The following NHSL2 variants were observed in gnomAD, a reference collection of about 807,000 sequenced individuals.
NHSL2 encodes NHS like 2, also known as NHS-like protein 2.
A neutral mutation model predicts 53.4 loss-of-function variants in NHSL2; 27 were observed. The observed-to-expected ratio is 0.51, with a 90% CI of 0.37 to 0.70. NHSL2 has a LOEUF of 0.70. Ranked by LOEUF, NHSL2 falls within the 30% of genes least tolerant of loss-of-function variation. The pLI, the probability that NHSL2 is intolerant of heterozygous loss-of-function variation, is 0.00. For synonymous variants in NHSL2, 408 were observed against 404.1 expected (o/e 1.01, Z -0.12); for missense variants, 892 against 980.1 (o/e 0.91, Z 1.20).
chrX:72,033,183 CTTT>C (rs771573442), intron 1 of NHSL2, among the ~76,000 whole-genome samples: 8 of 79,006 alleles, frequency 1.0e-4, no homozygotes, highest in African/African-American at 3.5e-4. Flanking sequence ...GAAGAATTGA[CTTT>C]TTTTTTTTTT....
At chrX:72,135,956 A>G (rs896969528) in intron 4 of NHSL2, among the ~76,000 whole-genome samples, 3 of 110,807 alleles carry the variant, frequency 2.7e-5, no homozygotes, top group Non-Finnish European at 5.7e-5. Context: ...GGATTGCTTG[A>G]CCCCAGGAGT....
rs530069583 is a variant in NHSL2 at position 72,102,898 on chromosome X, C to T, written c.281-29181C>T. Among the ~76,000 whole-genome samples the T allele has an allele frequency of 2.0e-4, 22 of 111,951 alleles. 1 individual carries two copies. The South Asian group carries it at 8.1e-3, about 41-fold the overall frequency. ...GCAATGGAGGTGAACACCAGGGTGA[C>T]TCGTGACAGCTCCTACCTGGAAATG... On this transcript the variant is annotated intron_variant, in intron 1 of 7. Transcript: ENST00000633930.
chrX:72,049,009 A>AGAAGAAGAAGAAGAGGAAGAGGAAGAG (rs1556340802), intron 1 of NHSL2, among the ~76,000 whole-genome samples: 1 of 86,135 alleles, frequency 1.2e-5, no homozygotes, highest in African/African-American at 4.8e-5. Flanking sequence ...AAGAAGAAGA[A>AGAAGAAGAAGAAGAGGAAGAGGAAGAG]GAAGAGGAAG....
At chrX:71,963,940 G>A (rs112996393) in intron 1 of NHSL2, among the ~76,000 whole-genome samples, 2,613 of 65,713 alleles carry the variant, frequency 0.04, 150 homozygotes, top group African/African-American at 0.11. Flanking sequence ...AAAGAGAAAG[G>A]TGGAGTGGCT....
In NHSL2 at chrX:72,139,776, G is replaced by A. The variant is rs376449222; in HGVS notation, c.2228G>A (p.Arg743Gln). 67 of 1,208,753 alleles carry A rather than the reference G, an allele frequency of 5.5e-5. No homozygotes were observed. The highest frequency in any genetic ancestry group is 6.9e-5 in the Non-Finnish European group (62 of 894,780). The change falls in exon 6 of 8, where the codon CGG becomes CAG. Residue 743 changes from arginine (R) to glutamine (Q), a missense_variant. Coordinates refer to ENST00000633930, the MANE Select transcript of NHSL2 (RefSeq NM_001013627.3). ...TTACCCCCTCCAAGCAGCAGTGTCC[G>A]GGTACGTCCAGTGGTACCTGAGAGG... ...GHLPPPSSSV[R>Q]VRPVVPERKS...
chrX:72,031,473 A>G (rs1427199067), intron 1 of NHSL2, among the ~76,000 whole-genome samples: 1 of 112,468 alleles, frequency 8.9e-6, no homozygotes, highest in Non-Finnish European at 1.9e-5. Context: ...ATAAGCACTT[A>G]CTAATTATTA....
At chrX:71,930,753 A>G (rs934136841) in intron 1 of NHSL2, among the ~76,000 whole-genome samples, 1 of 112,549 alleles carries the variant, frequency 8.9e-6, no homozygotes, top group African/African-American at 3.2e-5. Context: ...GTAATATTCC[A>G]TTGTATGGAT....
intron 1 of NHSL2, among the ~76,000 whole-genome samples, chrX:72,090,581 A>G (rs1376441244): frequency 9.0e-6 from 1 of 111,575 alleles, no homozygotes; most frequent in Non-Finnish European, 1.9e-5. Flanking sequence ...TTACTATTAC[A>G]TTTTTAAAGT....
At chrX:72,087,997 G>A (rs1488071492) in intron 1 of NHSL2, among the ~76,000 whole-genome samples, 1 of 111,840 alleles carries the variant, frequency 8.9e-6, no homozygotes, top group African/African-American at 3.2e-5. Context: ...CTGGGAGGCC[G>A]AGGCGGGCTG....
At chrX:72,128,521 G>A (rs987258201) in intron 1 of NHSL2, 5 of 112,625 alleles carry the variant, frequency 4.4e-5, no homozygotes, top group Non-Finnish European at 9.4e-5. Flanking sequence ...CAAGCAGTGG[G>A]TCTCTTTATA....
At chrX:71,956,311 A>G (rs887190836) in intron 1 of NHSL2, among the ~76,000 whole-genome samples, 24 of 111,907 alleles carry the variant, frequency 2.1e-4, no homozygotes, top group Admixed American at 1.7e-3. Flanking sequence ...CCCCTTATTG[A>G]TCACCTTTAA....
rs527738981 is a variant in NHSL2 at position 72,132,357 on chromosome X, G to A, written c.436+123G>A. The A allele has an allele frequency of 3.2e-4, 212 of 659,317 alleles. 2 individuals carry two copies. In the South Asian group the frequency reaches 6.5e-3, roughly 20 times the overall value. The allele number at this position is 659,317 out of a possible 1,213,427, so 54.3% of individuals were successfully genotyped here. A position where few individuals can be genotyped will look rare whatever the true frequency, so the allele number is the denominator to read the frequency against. ...AAAGACAGAGAGTTTAAAAACAATC[G>A]ACAAAGCAGTTTCCAGCTTTCACCT... On this transcript the variant is annotated intron_variant, in intron 2 of 7. Coordinates refer to ENST00000633930, the MANE Select transcript of NHSL2 (RefSeq NM_001013627.3).
In NHSL2 at chrX:71,983,441, CAA is replaced by C. The variant is rs55809300; in HGVS notation, c.280+72087_280+72088del. Among the ~76,000 whole-genome samples the C allele has an allele frequency of 7.7e-3, 706 of 91,831 alleles. 5 individuals carry two copies. The highest frequency in any genetic ancestry group is 0.031 in the Middle Eastern group (6 of 193). 79.7% of individuals were successfully genotyped at this position (91,831 alleles called of 115,157 possible). A position where few individuals can be genotyped will look rare whatever the true frequency, so the allele number is the denominator to read the frequency against. On this transcript the variant is annotated intron_variant, in intron 1 of 7. Coordinates refer to ENST00000633930, the MANE Select transcript of NHSL2 (RefSeq NM_001013627.3). Reference sequence around the variant, plus strand: ...GCAACATAGTGAGACCCCACCTCTACAAAAAAAAAAAAAATTAAAATTAGCCA... The same window carrying C: ...GCAACATAGTGAGACCCCACCTCTACAAAAAAAAAAAATTAAAATTAGCCA...
chrX:71,995,910 T>C (rs2042048111), intron 1 of NHSL2, among the ~76,000 whole-genome samples: 1 of 111,839 alleles, frequency 8.9e-6, no homozygotes, highest in Non-Finnish European at 1.9e-5. Context: ...TAAGGACTTA[T>C]GGGATCAATG....
rs763376886 is a variant in NHSL2, at chrX:71,929,841, A to G, written c.280+18474A>G. 3.6e-5 allele frequency among the ~76,000 whole-genome samples: 4 copies of G among 109,936 alleles called. No individual in the cohort carries two copies. In the South Asian group the frequency reaches 1.6e-3, roughly 44 times the overall value. ...ATGATTATGGCTCGCTGCAGCCTCAACCTCCCAGGCTCAAGTGATCCTCAC... is the reference window on the plus strand; with the variant it reads ...ATGATTATGGCTCGCTGCAGCCTCAGCCTCCCAGGCTCAAGTGATCCTCAC... On this transcript the variant is annotated intron_variant, in intron 1 of 7. Coordinates refer to ENST00000633930, the MANE Select transcript of NHSL2 (RefSeq NM_001013627.3).
chrX:72,140,413 C>A lies in NHSL2; in HGVS notation c.2865C>A (p.Ser955=). 8.3e-7 allele frequency: 1 copy of A among 1,210,176 alleles called. No homozygotes were observed. Among genetic ancestry groups the A allele is most frequent in the South Asian group, 1.8e-5 (1 of 56,602 alleles). Residue 955 remains serine, a synonymous_variant, in exon 6 of 8, where the codon TCC becomes TCA. Transcript: ENST00000633930. ...TTGTTTTCACGCCTTTTGCCAGTTC[C>A]TCTGATGCTTTCTTCTCAGGAACAC... ...SSLVFTPFAS[S]SDAFFSGTQQ...
chrX:72,129,661 C>T (rs12832854), intron 1 of NHSL2: 9 of 499,026 alleles, frequency 1.8e-5, no homozygotes, highest in Non-Finnish European at 2.9e-5. Flanking sequence ...ACACGTCGCT[C>T]TCTGGTCACG....
intron 1 of NHSL2, among the ~76,000 whole-genome samples, chrX:71,936,080 G>A (rs962590398): frequency 1.8e-5 from 2 of 112,251 alleles, no homozygotes; most frequent in Admixed American, 9.4e-5. Flanking sequence ...GGCATCATAA[G>A]CCTATTTGAC....
chrX:72,073,800 A>G lies in NHSL2; in HGVS notation c.281-58279A>G, dbSNP rs190376624. ...ACCATGTGCTTCTCAGCATCTTTGC[A>G]TCTGTGACAGGCATTAGTAACCCTG... On this transcript the variant is annotated intron_variant, in intron 1 of 7. Transcript: ENST00000633930. Among the ~76,000 whole-genome samples, 3 of 112,521 alleles carry G rather than the reference A, an allele frequency of 2.7e-5. No homozygotes were observed. The East Asian group carries it at 8.4e-4, about 31-fold the overall frequency.
Sources: allele counts gnomAD v4.1 joint callset (sites outside exome capture counted in the v4.1 genomes callset), GRCh38; gene constraint gnomAD v4.1.1; transcripts MANE v1.5; gene names NCBI Gene and HGNC (gene_info 2026-07-23, HGNC 2026-07-21).